Variants in PAG1 observed in about 807,000 individuals in gnomAD.
PAG1 encodes the protein phosphoprotein associated with glycosphingolipid-enriched microdomains 1.
In PAG1, 23 loss-of-function variants were observed where a neutral mutation model predicts 31.7. The ratio of observed to expected loss-of-function variants is 0.73; its 90% CI spans 0.52 to 1.03. The LOEUF is 1.03. Ranked by LOEUF, PAG1 falls within the 50% of genes least tolerant of loss-of-function variation. The pLI is 0.00. For missense variants in PAG1, 473 were observed against 540.7 expected, an observed-to-expected ratio of 0.87 and a Z score of 1.24; for synonymous variants, 214 against 210.3, an observed-to-expected ratio of 1.02 and a Z score of -0.15.
At chr8:80,998,199 A>C (rs1807720528) in intron 3 of PAG1, among the ~76,000 whole-genome samples, 2 of 142,154 alleles carry the variant, frequency 1.4e-5, no homozygotes, top group Admixed American at 7.5e-5. Flanking sequence ...GTGCTATCTC[A>C]GCTCACTGCA....
At position 81,084,800 on chromosome 8, in the gene PAG1, G is replaced by A. The variant is rs538416041; in HGVS notation, c.-233-14630C>T. On this transcript the variant is annotated intron_variant, in intron 1 of 8. Transcript: ENST00000220597. ...TCAGTCACGATATTAGAGCAGACAA[G>A]TGCCAAAAATTACATCTATTTTCCT... Among the ~76,000 whole-genome samples the A allele has an allele frequency of 1.4e-4, 22 of 152,300 alleles. No homozygotes were observed. In the South Asian group the frequency reaches 4.6e-3, roughly 32 times the overall value.
intron 3 of PAG1, among the ~76,000 whole-genome samples, chr8:81,026,605 G>A (rs1295940964): frequency 6.6e-6 from 1 of 151,972 alleles, no homozygotes; most frequent in Non-Finnish European, 1.5e-5. Context: ...AGGGTATGGA[G>A]ACCCAGCTGT....
chr8:81,080,633 A>G (rs1809251299), intron 1 of PAG1, among the ~76,000 whole-genome samples: 1 of 152,192 alleles, frequency 6.6e-6, no homozygotes, highest in African/African-American at 2.4e-5. Context: ...TTGAGAATGT[A>G]CACCCAGTGT....
chr8:81,000,372 C>T (rs749001092), intron 3 of PAG1, among the ~76,000 whole-genome samples: 2 of 152,064 alleles, frequency 1.3e-5, no homozygotes, highest in Non-Finnish European at 1.5e-5. Flanking sequence ...TAGGGATGAG[C>T]GCACTAAGCA....
At chr8:81,006,003 C>T (rs1421904521) in intron 3 of PAG1, among the ~76,000 whole-genome samples, 2 of 152,148 alleles carry the variant, frequency 1.3e-5, no homozygotes, top group African/African-American at 4.8e-5. Context: ...AGTGCAGTGG[C>T]GCGATCTCGA....
rs112676321 is a variant in PAG1 at position 80,972,940 on chromosome 8, C to CGTGTGTGT, written c.*3596_*3603dup. 403 of 146,384 alleles carry CGTGTGTGT rather than the reference C, an allele frequency of 2.8e-3. 2 individuals are homozygous for CGTGTGTGT. The highest frequency in any genetic ancestry group is 9.3e-3 in the African/African-American group (374 of 40,108). The allele number at this position is 146,384 out of a possible 1,614,324, so 9.1% of individuals were successfully genotyped here. A position where few individuals can be genotyped will look rare whatever the true frequency, so the allele number is the denominator to read the frequency against. ...AAGTATATACACACACACACGTATA[C>CGTGTGTGT]GTGTGTGTGTGTGTGTGTGTGTGTG... is the stretch of plus-strand genomic sequence containing the variant. On this transcript the variant is annotated 3_prime_UTR_variant, in exon 9 of 9. Coordinates refer to ENST00000220597, the MANE Select transcript of PAG1 (RefSeq NM_018440.4).
intron 1 of PAG1, among the ~76,000 whole-genome samples, chr8:81,072,998 G>T (rs1460412239): frequency 2.0e-5 from 3 of 152,188 alleles, no homozygotes; most frequent in Non-Finnish European, 4.4e-5. Context: ...AAAATAAGAA[G>T]TATTGCTAGA....
intron 2 of PAG1, among the ~76,000 whole-genome samples, chr8:81,047,965 A>G (rs578237108): frequency 6.6e-6 from 1 of 152,206 alleles, no homozygotes; most frequent in African/African-American, 2.4e-5. Flanking sequence ...TCTCCTACAC[A>G]TGTTCACAAG....
chr8:81,102,555 T>C (rs1322073191), intron 1 of PAG1, among the ~76,000 whole-genome samples: 1 of 152,194 alleles, frequency 6.6e-6, no homozygotes, highest in African/African-American at 2.4e-5. Flanking sequence ...GTAAGCCTCC[T>C]AGATATTTTT....
chr8:81,110,173 A>C (rs1254163317), intron 1 of PAG1, among the ~76,000 whole-genome samples: 4 of 152,254 alleles, frequency 2.6e-5, no homozygotes, highest in Non-Finnish European at 5.9e-5. Flanking sequence ...TAAATCTTAC[A>C]TTAAAACATA....
chr8:81,046,423 T>C (rs908325324), intron 2 of PAG1, among the ~76,000 whole-genome samples: 2 of 152,170 alleles, frequency 1.3e-5, no homozygotes, highest in African/African-American at 2.4e-5. Context: ...TCCTCAATGA[T>C]AGGAAAGGCA....
At position 81,068,507 on chromosome 8, in the gene PAG1, C is replaced by T. The variant is rs372558493; in HGVS notation, c.-175+1605G>A. On this transcript the variant is annotated intron_variant, in intron 2 of 8. Coordinates refer to ENST00000220597, the MANE Select transcript of PAG1 (RefSeq NM_018440.4). ...TTTTGGTGGCACTTCTTTAATGTGG[C>T]GAAAATAACAAGCAAAGCATTATTG... Among the ~76,000 whole-genome samples the T allele has an allele frequency of 7.9e-5, 12 of 151,886 alleles. 2 individuals carry two copies. Among genetic ancestry groups the T allele is most frequent in the Admixed American group, 3.3e-4 (5 of 15,260 alleles).
At chr8:81,023,548 T>C (rs1037616415) in intron 3 of PAG1, among the ~76,000 whole-genome samples, 1 of 150,870 alleles carries the variant, frequency 6.6e-6, no homozygotes, top group African/African-American at 2.5e-5. Flanking sequence ...ATATATATAT[T>C]TGTGTTTCAT....
intron 1 of PAG1, among the ~76,000 whole-genome samples, chr8:81,079,547 T>G (rs1168757999): frequency 6.6e-6 from 1 of 152,068 alleles, no homozygotes; most frequent in Admixed American, 6.6e-5. Context: ...GTGAAATTCT[T>G]TACTTCCATT....
chr8:81,094,058 G>T (rs1809488987), intron 1 of PAG1, among the ~76,000 whole-genome samples: 1 of 152,176 alleles, frequency 6.6e-6, no homozygotes, highest in Non-Finnish European at 1.5e-5. Context: ...CTGCGGTAGG[G>T]CTCACTGCGG....
At chr8:81,041,641 A>T (rs947544711) in intron 2 of PAG1, among the ~76,000 whole-genome samples, 1 of 152,208 alleles carries the variant, frequency 6.6e-6, no homozygotes, top group African/African-American at 2.4e-5. Context: ...TCTTGGTTAT[A>T]CTTCTACCTC....
At chr8:80,984,690 A>G in intron 7 of PAG1, 86 bp downstream of exon 7, 1 of 1,267,470 alleles carries the variant, frequency 7.9e-7, no homozygotes, top group Non-Finnish European at 1.1e-6. Context: ...GTGTTTGCAG[A>G]TATTTCCCAG....
chr8:80,971,251 AT>A lies in PAG1; in HGVS notation c.*5292del, dbSNP rs1229318791. Reference sequence around the variant, plus strand: ...AAAATGCTACTAAGTGTCATGAATTATTTTTTAATATTTTTGAGTAAGGGGA... The same window carrying A: ...AAAATGCTACTAAGTGTCATGAATTATTTTTAATATTTTTGAGTAAGGGGA... On this transcript the variant is annotated 3_prime_UTR_variant, in exon 9 of 9. Coordinates refer to ENST00000220597, the MANE Select transcript of PAG1 (RefSeq NM_018440.4). 6.6e-6 allele frequency: 1 copy of A among 152,198 alleles called. No individual in the cohort carries two copies. The highest frequency in any genetic ancestry group is 1.5e-5 in the Non-Finnish European group (1 of 68,022). The allele number at this position is 152,198 out of a possible 1,614,324, so 9.4% of individuals were successfully genotyped here. A position where few individuals can be genotyped will look rare whatever the true frequency, so the allele number is the denominator to read the frequency against.
At chr8:81,036,486 A>G (rs1467175791) in intron 2 of PAG1, among the ~76,000 whole-genome samples, 1 of 152,194 alleles carries the variant, frequency 6.6e-6, no homozygotes, top group Non-Finnish European at 1.5e-5. Flanking sequence ...ACAGAGATCA[A>G]CCTCAAAGTA....
Sources: allele counts gnomAD v4.1 joint callset (sites outside exome capture counted in the v4.1 genomes callset), GRCh38; gene constraint gnomAD v4.1.1; transcripts MANE v1.5; gene names NCBI Gene and HGNC (gene_info 2026-07-23, HGNC 2026-07-21).